AGT: variants seen among roughly 807,000 people sequenced by gnomAD.
AGT encodes angiotensinogen.
In AGT, 26 loss-of-function variants were observed where a neutral mutation model predicts 28.1. The observed-to-expected ratio is 0.92, with a 90% CI of 0.68 to 1.28. The LOEUF (loss-of-function observed/expected upper bound fraction) is 1.28. Among genes scored for constraint, AGT ranks in the 50% most tolerant of loss-of-function variants. The pLI is 0.00. For synonymous variants in AGT, 259 were observed against 259.6 expected (o/e 1.00, Z 0.02); for missense variants, 596 against 592.3 (o/e 1.01, Z -0.06).
intron 1 of AGT, among the ~76,000 whole-genome samples, chr1:230,741,843 C>T (rs1012504180): frequency 2.0e-5 from 3 of 152,158 alleles, no homozygotes; most frequent in Non-Finnish European, 2.9e-5. Context: ...GCAGAGCCCA[C>T]CTAGGCCAAA....
chr1:230,734,233 A>G (rs1227721645), intron 1 of AGT, among the ~76,000 whole-genome samples: 1 of 152,228 alleles, frequency 6.6e-6, no homozygotes, highest in Non-Finnish European at 1.5e-5. Context: ...ATTCTGACAT[A>G]TGCTACATCA....
chr1:230,733,239 C>T lies in AGT; in HGVS notation c.-31+12276G>A, dbSNP rs187211264. Among the ~76,000 whole-genome samples, 7 of 152,190 alleles carry T rather than the reference C, an allele frequency of 4.6e-5. No individual in the cohort carries two copies. In the East Asian group the frequency reaches 5.8e-4, roughly 13 times the overall value. On this transcript the variant is annotated intron_variant, in intron 1 of 4. Transcript: ENST00000681269. Reference sequence around the variant, plus strand: ...CAGAGGTTGCAGTGAGCCGAGATTGCGCCATTGCACTCCAGCGTGGGCAAC... The same window carrying T: ...CAGAGGTTGCAGTGAGCCGAGATTGTGCCATTGCACTCCAGCGTGGGCAAC...
upstream of AGT, among the ~76,000 whole-genome samples, chr1:230,715,996 C>T (rs1045743625): frequency 6.6e-6 from 1 of 152,134 alleles, no homozygotes; most frequent in African/African-American, 2.4e-5. Flanking sequence ...TAAATTTGGC[C>T]TCTAAGCAAG....
rs569877698 is a variant in AGT at position 230,704,487 on chromosome 1, G to A, written c.1098-150C>T. On this transcript the variant is annotated intron_variant, in intron 3 of 4. Coordinates refer to ENST00000366667, the MANE Select transcript of AGT (RefSeq NM_001384479.1). ...CCAACTAAGTCATCCTCCCCCTTGG[G>A]GAAAATTTCAGCAAAACCTACAATA... is the stretch of plus-strand genomic sequence containing the variant. The A allele has an allele frequency of 7.8e-5, 85 of 1,087,668 alleles. 1 individual carries two copies. The South Asian group carries it at 1.0e-3, about 13-fold the overall frequency. The allele number at this position is 1,087,668 out of a possible 1,614,324, so 67.4% of individuals were successfully genotyped here.
At chr1:230,723,049 G>A (rs1485066809) in intron 1 of AGT, among the ~76,000 whole-genome samples, 1 of 152,154 alleles carries the variant, frequency 6.6e-6, no homozygotes, top group Admixed American at 6.5e-5. Flanking sequence ...GTCAAGAGAG[G>A]GAGGTGACTG....
intron 1 of AGT, among the ~76,000 whole-genome samples, chr1:230,729,767 G>T (rs1352243891): frequency 7.1e-6 from 1 of 141,694 alleles, no homozygotes; most frequent in African/African-American, 2.7e-5. Flanking sequence ...AAGTAGTGTT[G>T]TCAAGTTCTC....
intron 1 of AGT, among the ~76,000 whole-genome samples, chr1:230,729,927 C>T (rs1445706191): frequency 1.3e-5 from 2 of 151,790 alleles, no homozygotes; most frequent in African/African-American, 2.4e-5. Flanking sequence ...TTTGGGAGGC[C>T]GAGGCAGGTG....
At chr1:230,714,220 C>T (rs910779851), upstream of AGT, 3 of 152,316 alleles carry the variant, frequency 2.0e-5, no homozygotes, top group Non-Finnish European at 4.4e-5. Flanking sequence ...GGTTACATCA[C>T]TTGGCCAGAC....
Position 230,704,251 on chromosome 1 carries a change from A to G in AGT, c.1184T>C (p.Ile395Thr). The G allele has an allele frequency of 4.3e-6, 7 of 1,614,252 alleles. No individual in the cohort carries two copies. Among genetic ancestry groups the G allele is most frequent in the Non-Finnish European group, 5.9e-6 (7 of 1,180,040 alleles). Residue 395 changes from isoleucine (I) to threonine (T), a missense_variant, in exon 4 of 5, where the codon ATT becomes ACT. Coordinates refer to ENST00000366667, the MANE Select transcript of AGT (RefSeq NM_001384479.1). ...DLLAQAELPA[I>T]LHTELNLQKL... Reference sequence around the variant, plus strand: ...TTGCAGGTTCAGCTCGGTGTGCAGAATGGCGGGCAGCTCAGCCTGGGCGAG... The same window carrying G: ...TTGCAGGTTCAGCTCGGTGTGCAGAGTGGCGGGCAGCTCAGCCTGGGCGAG...
At chr1:230,742,926 G>A (rs1395081158) in intron 1 of AGT, among the ~76,000 whole-genome samples, 1 of 152,154 alleles carries the variant, frequency 6.6e-6, no homozygotes, top group Non-Finnish European at 1.5e-5. Context: ...AGCTCTGAGA[G>A]GTATTCATAA....
At chr1:230,732,336 C>G (rs1455721862) in intron 1 of AGT, among the ~76,000 whole-genome samples, 2 of 151,984 alleles carry the variant, frequency 1.3e-5, no homozygotes, top group Non-Finnish European at 2.9e-5. Context: ...TTCTTCATTG[C>G]AATATTTCCA....
chr1:230,737,746 C>T (rs1664181391), intron 1 of AGT, among the ~76,000 whole-genome samples: 1 of 152,190 alleles, frequency 6.6e-6, no homozygotes, highest in Non-Finnish European at 1.5e-5. Context: ...AATTCAGATA[C>T]TGTACATACA....
intron 1 of AGT, among the ~76,000 whole-genome samples, 160 bp downstream of exon 1, chr1:230,713,926 G>A (rs559224240): frequency 3.3e-5 from 5 of 152,268 alleles, no homozygotes; most frequent in South Asian, 4.1e-4. Flanking sequence ...GGTGGGCACC[G>A]AGTGGGGGAA....
intron 2 of AGT, among the ~76,000 whole-genome samples, chr1:230,707,620 G>A (rs1663427891): frequency 6.6e-6 from 1 of 152,212 alleles, no homozygotes; most frequent in African/African-American, 2.4e-5. Context: ...GAAACTGCAG[G>A]GTTCCCCTTG....
upstream of AGT, among the ~76,000 whole-genome samples, chr1:230,718,722 CTTT>C (rs1228887131): frequency 8.4e-6 from 1 of 118,484 alleles, no homozygotes; most frequent in Non-Finnish European, 1.7e-5. Flanking sequence ...TTCCACACCG[CTTT>C]TTTTTTTTTT....
At chr1:230,743,793 A>G (rs866491830) in intron 1 of AGT, among the ~76,000 whole-genome samples, 1 of 152,242 alleles carries the variant, frequency 6.6e-6, no homozygotes, top group Non-Finnish European at 1.5e-5. Context: ...GTTTTGCCCC[A>G]TGGCATCCCA....
chr1:230,725,508 A>G (rs936860245), intron 1 of AGT, among the ~76,000 whole-genome samples: 5 of 152,218 alleles, frequency 3.3e-5, no homozygotes, highest in Admixed American at 6.5e-5. Flanking sequence ...AAAGTCTACA[A>G]TGAAGAGTTC....
chr1:230,723,082 A>G lies in AGT; in HGVS notation c.-30-12229T>C, dbSNP rs77251614. Among the ~76,000 whole-genome samples the G allele has an allele frequency of 2.0e-5, 3 of 152,270 alleles. No individual in the cohort carries two copies. The East Asian group carries it at 5.8e-4, about 29-fold the overall frequency. On this transcript the variant is annotated intron_variant, in intron 1 of 4. Transcript: ENST00000681269. ...CTGGATCATGGGGACGATTTCCCCT[A>G]TGCTATTCTCATGAGAGTGAGTTTG... is the stretch of plus-strand genomic sequence containing the variant.
intron 1 of AGT, among the ~76,000 whole-genome samples, chr1:230,744,038 C>A (rs939965318): frequency 6.6e-6 from 1 of 152,208 alleles, no homozygotes; most frequent in African/African-American, 2.4e-5. Context: ...GCATGGCCCC[C>A]GCTTGGCTCA....
Sources: allele counts gnomAD v4.1 joint callset (sites outside exome capture counted in the v4.1 genomes callset), GRCh38; gene constraint gnomAD v4.1.1; transcripts MANE v1.5; gene names NCBI Gene and HGNC (gene_info 2026-07-23, HGNC 2026-07-21).